CHRM5: variants seen among roughly 807,000 people sequenced by gnomAD.
CHRM5 encodes cholinergic receptor muscarinic 5.
CHRM5 carries 18 observed loss-of-function variants against 39.0 expected under a neutral mutation model. The ratio of observed to expected loss-of-function variants is 0.46; its 90% CI spans 0.32 to 0.68. The LOEUF is 0.68. Ranked by LOEUF, CHRM5 falls within the 30% of genes least tolerant of loss-of-function variation. The probability of loss-of-function intolerance (pLI) is 0.04; values close to 1 mark genes in which losing one functional copy is unlikely to be tolerated. For missense variants in CHRM5, 515 were observed against 651.1 expected (o/e 0.79, Z 2.28); for synonymous variants, 241 against 246.3 (o/e 0.98, Z 0.20).
rs779801791 is a variant in CHRM5, at chr15:34,015,453, G to A, written c.-407-31087G>A. ...GCCGAGATCGCACCACTGCACTCCA[G>A]CCTGGGTGACAGAGCGAGACTCCAT... On this transcript the variant is annotated intron_variant, in intron 1 of 2. Transcript: ENST00000383263. Among the ~76,000 whole-genome samples the A allele has an allele frequency of 7.1e-4, 108 of 152,086 alleles. 1 individual carries two copies. Among genetic ancestry groups the A allele is most frequent in the Non-Finnish European group, 1.1e-3 (74 of 68,000 alleles).
intron 1 of CHRM5, among the ~76,000 whole-genome samples, chr15:33,989,060 GT>G (rs11301790): frequency 0.99 from 151,045 of 152,176 alleles, 74,973 homozygotes; most frequent in Middle Eastern, 1. Flanking sequence ...CATAAATCCT[GT>G]TTTTTCTTAT....
At chr15:33,978,458 G>A (rs1895990112) in intron 1 of CHRM5, among the ~76,000 whole-genome samples, 2 of 152,164 alleles carry the variant, frequency 1.3e-5, no homozygotes, top group African/African-American at 2.4e-5. Flanking sequence ...GAGGTCAGGA[G>A]TTCAAAACCA....
intron 1 of CHRM5, chr15:34,039,076 G>T: frequency 9.2e-7 from 1 of 1,083,834 alleles, no homozygotes; most frequent in South Asian, 4.4e-5. Context: ...CTGAGCGCGC[G>T]GGAGCCGAGC....
chr15:34,027,426 G>A (rs567271520), intron 1 of CHRM5, among the ~76,000 whole-genome samples: 7 of 152,146 alleles, frequency 4.6e-5, no homozygotes, highest in African/African-American at 1.7e-4. Context: ...CTACACAGGA[G>A]GCTGAGGCAG....
At chr15:33,974,494 T>G (rs1895785994) in intron 1 of CHRM5, among the ~76,000 whole-genome samples, 1 of 152,228 alleles carries the variant, frequency 6.6e-6, no homozygotes, top group Non-Finnish European at 1.5e-5. Context: ...ATGCTGTGCC[T>G]CAACCCCTAT....
chr15:34,017,490 T>TG (rs1242325886), intron 1 of CHRM5, among the ~76,000 whole-genome samples: 5 of 82,656 alleles, frequency 6.0e-5, no homozygotes, highest in South Asian at 4.1e-4. Context: ...TTTTGTTTTT[T>TG]TTTTTTTTTT....
At chr15:34,037,695 G>C (rs749537424) in intron 1 of CHRM5, among the ~76,000 whole-genome samples, 4 of 151,710 alleles carry the variant, frequency 2.6e-5, no homozygotes, top group Non-Finnish European at 4.4e-5. Flanking sequence ...TCTCATTCAA[G>C]TTTTGCCTAT....
rs772815473 is a variant in CHRM5, at chr15:34,062,743, C to G, written c.26C>G (p.Ala9Gly). The change falls in exon 3 of 3, where the codon GCA becomes GGA. Residue 9 changes from alanine to glycine, a missense_variant. Coordinates refer to ENST00000383263, the MANE Select transcript of CHRM5 (RefSeq NM_012125.4). Reference protein sequence around the residue: MEGDSYHNATTVNGTPVNH... With the variant: MEGDSYHNGTTVNGTPVNH... ...ATGGAAGGGGATTCTTACCACAATG[C>G]AACCACCGTCAATGGCACCCCAGTA... The G allele has an allele frequency of 9.9e-6, 16 of 1,612,394 alleles. No homozygotes were observed. Among genetic ancestry groups the G allele is most frequent in the East Asian group, 4.5e-5 (2 of 44,858 alleles).
intron 1 of CHRM5, chr15:34,007,118 T>G: frequency 1.1e-6 from 1 of 911,566 alleles, no homozygotes; most frequent in Non-Finnish European, 1.3e-6. Flanking sequence ...GCTGAAGACC[T>G]ATTATATAAT....
chr15:34,035,431 C>A (rs1899067734), intron 1 of CHRM5, among the ~76,000 whole-genome samples: 1 of 152,148 alleles, frequency 6.6e-6, no homozygotes, highest in Non-Finnish European at 1.5e-5. Context: ...CCTCCACACA[C>A]CCCTTTTTCA....
intron 1 of CHRM5, among the ~76,000 whole-genome samples, chr15:34,037,544 CAT>C (rs1219832252): frequency 6.7e-6 from 1 of 148,782 alleles, no homozygotes; most frequent in African/African-American, 2.4e-5. Context: ...TTCTACATTA[CAT>C]ATATATTATA....
At chr15:33,997,933 A>G (rs943753691) in intron 1 of CHRM5, among the ~76,000 whole-genome samples, 1 of 152,124 alleles carries the variant, frequency 6.6e-6, no homozygotes, top group African/African-American at 2.4e-5. Flanking sequence ...ATTGTCACCC[A>G]ACATCTATAC....
chr15:33,990,340 C>A (rs1329824061), intron 1 of CHRM5, among the ~76,000 whole-genome samples: 1 of 152,116 alleles, frequency 6.6e-6, no homozygotes, highest in African/African-American at 2.4e-5. Context: ...CGAGATCACG[C>A]CACTGCCCTC....
chr15:34,022,699 G>A (rs907506895), intron 1 of CHRM5, among the ~76,000 whole-genome samples: 3 of 152,190 alleles, frequency 2.0e-5, no homozygotes, highest in Non-Finnish European at 2.9e-5. Context: ...CTGCTTCACA[G>A]AATTTTAAAG....
At position 34,036,447 on chromosome 15, in the gene CHRM5, G is replaced by A. The variant is rs117652551; in HGVS notation, c.-407-10093G>A. Among the ~76,000 whole-genome samples, 940 of 151,570 alleles carry A rather than the reference G, an allele frequency of 6.2e-3. 6 individuals are homozygous for A. The highest frequency in any genetic ancestry group is 0.014 in the Middle Eastern group (4 of 294). ...GTCTATTATGATTTTTTTTTCCTTT[G>A]ATCATTTCGGTTACTCTCTCCTTGG... is the stretch of plus-strand genomic sequence containing the variant. On this transcript the variant is annotated intron_variant, in intron 1 of 2. Transcript: ENST00000383263.
At chr15:34,037,120 A>T (rs76418984) in intron 1 of CHRM5, among the ~76,000 whole-genome samples, 72,221 of 150,734 alleles carry the variant, frequency 0.48, 20,649 homozygotes, top group Non-Finnish European at 0.64. Context: ...AAAAAAAAAA[A>T]AAAAATATAT....
chr15:34,001,112 C>G lies in CHRM5; in HGVS notation c.-408+31962C>G, dbSNP rs529722645. On this transcript the variant is annotated intron_variant, in intron 1 of 2. Coordinates refer to ENST00000383263, the MANE Select transcript of CHRM5 (RefSeq NM_012125.4). ...CTCAGCTCACTACAACCCCCACCTC[C>G]CAGGCTGAAGCAATTCTCCTGCCTC... Among the ~76,000 whole-genome samples the G allele has an allele frequency of 2.0e-5, 3 of 151,574 alleles. No homozygotes were observed. The South Asian group carries it at 6.3e-4, about 32-fold the overall frequency.
intron 1 of CHRM5, among the ~76,000 whole-genome samples, chr15:34,030,336 T>C (rs1898717120): frequency 6.6e-6 from 1 of 152,066 alleles, no homozygotes; most frequent in African/African-American, 2.4e-5. Context: ...ATACTAGGTT[T>C]TGGGGGGTTT....
intron 1 of CHRM5, among the ~76,000 whole-genome samples, chr15:34,030,048 G>A (rs932950419): frequency 2.6e-5 from 4 of 152,152 alleles, no homozygotes; most frequent in African/African-American, 9.7e-5. Context: ...GAGGTCAGGA[G>A]TTCGAGCCCA....
Sources: gnomAD v4.1 joint callset for allele counts (sites outside exome capture counted in the v4.1 genomes callset) on GRCh38, gnomAD v4.1.1 for gene constraint, MANE v1.5 for transcripts, NCBI Gene and HGNC (gene_info 2026-07-23, HGNC 2026-07-21) for gene names.